UBE2K: variants seen among roughly 807,000 people sequenced by gnomAD.
UBE2K encodes ubiquitin-conjugating enzyme E2 K.
UBE2K carries 6 observed loss-of-function variants against 30.0 expected under a neutral mutation model. That is an observed-to-expected ratio of 0.20 (90% CI 0.11 to 0.39). The LOEUF (loss-of-function observed/expected upper bound fraction) is 0.39. Among genes scored for constraint, UBE2K ranks in the 10% least tolerant of loss-of-function variants. UBE2K has a pLI of 1.00. For synonymous variants in UBE2K, 86 were observed against 83.7 expected (o/e 1.03, Z -0.15); for missense variants, 61 against 241.6 (o/e 0.25, Z 4.96).
rs981885683 is a variant in UBE2K at position 39,742,932 on chromosome 4, G to T, written c.158-2820G>T. On this transcript the variant is annotated intron_variant, in intron 2 of 6. Coordinates refer to ENST00000261427, the MANE Select transcript of UBE2K (RefSeq NM_005339.5). ...ATTGTGGTGGGCACCTGTAAACCCA[G>T]TTACTCAGGAGACTGAGGCACAAGA... is the stretch of plus-strand genomic sequence containing the variant. Among the ~76,000 whole-genome samples the T allele has an allele frequency of 3.3e-5, 5 of 151,842 alleles. No individual in the cohort carries two copies. The South Asian group carries it at 8.3e-4, about 25-fold the overall frequency.
At chr4:39,752,938 T>G (rs1274840604) in intron 3 of UBE2K, among the ~76,000 whole-genome samples, 1 of 152,036 alleles carries the variant, frequency 6.6e-6, no homozygotes, top group Admixed American at 6.6e-5. Flanking sequence ...GAGGATTGCC[T>G]GAGCCCAGAA....
rs1204663656 is a variant in UBE2K at position 39,777,869 on chromosome 4, T to G, written c.528+59T>G. On this transcript the variant is annotated intron_variant, in intron 6 of 6. Coordinates refer to ENST00000261427, the MANE Select transcript of UBE2K (RefSeq NM_005339.5). ...TTGATTGATTTTAAATTATTGCAAA[T>G]TCTTGGCTGACAAAAGTGGTTTAGA... 3.7e-6 allele frequency: 5 copies of G among 1,347,172 alleles called. No individual in the cohort carries two copies. In the African/African-American group the frequency reaches 6.0e-5, roughly 16 times the overall value. The allele number at this position is 1,347,172 out of a possible 1,614,324, so 83.5% of individuals were successfully genotyped here.
intron 2 of UBE2K, 142 bp from the exon 3 acceptor site, chr4:39,745,610 T>G: frequency 1.6e-6 from 1 of 613,642 alleles, no homozygotes; most frequent in Non-Finnish European, 2.8e-6. Context: ...GTGCTTTTGA[T>G]TACTTTCTTT....
At chr4:39,703,844 C>CAAAAAAAAA (rs33995934) in intron 1 of UBE2K, among the ~76,000 whole-genome samples, 1 of 105,234 alleles carries the variant, frequency 9.5e-6, no homozygotes, top group East Asian at 2.8e-4. Context: ...GACTCCATCT[C>CAAAAAAAAA]AAAAAAAAAA....
At chr4:39,757,320 C>A (rs942005406) in intron 4 of UBE2K, among the ~76,000 whole-genome samples, 2 of 152,002 alleles carry the variant, frequency 1.3e-5, no homozygotes, top group African/African-American at 4.8e-5. Flanking sequence ...GCCACCACAC[C>A]CGGCCTAAGC....
At chr4:39,719,106 C>CAGAT (rs1351832431) in intron 1 of UBE2K, among the ~76,000 whole-genome samples, 2 of 152,264 alleles carry the variant, frequency 1.3e-5, no homozygotes, top group Admixed American at 6.5e-5. Context: ...TGTTAAGTCA[C>CAGAT]AGATACACAC....
At chr4:39,775,927 C>T (rs1039102894) in intron 5 of UBE2K, among the ~76,000 whole-genome samples, 3 of 152,008 alleles carry the variant, frequency 2.0e-5, no homozygotes, top group Non-Finnish European at 4.4e-5. Context: ...ACTCGTCTTT[C>T]TTAAATGTAG....
chr4:39,757,902 G>A (rs1560371097), intron 4 of UBE2K, among the ~76,000 whole-genome samples: 1 of 152,034 alleles, frequency 6.6e-6, no homozygotes. Flanking sequence ...GATAAGTCTT[G>A]GATTTCTGCT....
intron 1 of UBE2K, among the ~76,000 whole-genome samples, chr4:39,719,311 T>C (rs1203738995): frequency 6.6e-6 from 1 of 152,214 alleles, no homozygotes; most frequent in Non-Finnish European, 1.5e-5. Flanking sequence ...TGTTTTTCAT[T>C]GTCAGACTTC....
intron 4 of UBE2K, among the ~76,000 whole-genome samples, chr4:39,773,596 A>C (rs1713068840): frequency 6.6e-6 from 1 of 152,062 alleles, no homozygotes. Flanking sequence ...TGTTTAGAGA[A>C]ATGGATAGAA....
At chr4:39,755,859 TA>T in intron 4 of UBE2K, 120 bp downstream of exon 4, 2 of 582,094 alleles carry the variant, frequency 3.4e-6, no homozygotes, top group Non-Finnish European at 2.6e-6. Context: ...GCAGTAACTT[TA>T]AAAGTCTCTT....
At chr4:39,774,778 T>C in intron 4 of UBE2K, 56 bp from the exon 5 acceptor site, 4 of 1,080,336 alleles carry the variant, frequency 3.7e-6, no homozygotes, top group Non-Finnish European at 5.1e-6. Context: ...AGAAAATACT[T>C]TGCTTTTGCC....
intron 1 of UBE2K, among the ~76,000 whole-genome samples, chr4:39,729,270 C>T (rs1298246054): frequency 6.6e-6 from 1 of 152,240 alleles, no homozygotes; most frequent in African/African-American, 2.4e-5. Context: ...GGCGCCCGGT[C>T]TTTCCTATCT....
At chr4:39,718,229 A>G (rs1408976185) in intron 1 of UBE2K, among the ~76,000 whole-genome samples, 3 of 152,124 alleles carry the variant, frequency 2.0e-5, no homozygotes, top group African/African-American at 4.8e-5. Context: ...TGCGTTTACA[A>G]TCCCTGAGCT....
chr4:39,732,206 A>G (rs1375961773), intron 1 of UBE2K, among the ~76,000 whole-genome samples: 1 of 152,212 alleles, frequency 6.6e-6, no homozygotes, highest in Non-Finnish European at 1.5e-5. Flanking sequence ...ATGAGGAACT[A>G]TCTTATCCTT....
intron 2 of UBE2K, among the ~76,000 whole-genome samples, chr4:39,743,320 T>C (rs989174931): frequency 2.0e-5 from 3 of 151,656 alleles, no homozygotes; most frequent in Non-Finnish European, 4.4e-5. Context: ...AAAAGAAGAA[T>C]AGGCCAGGCG....
rs1181207110 is a variant in UBE2K, at chr4:39,722,200, A to T, written c.64-15220A>T. On this transcript the variant is annotated intron_variant, in intron 1 of 6. Transcript: ENST00000261427. ...ATTCTTGGGTCTTTTACAATTTATG[A>T]TTGTTAACCCCTTCACATACCTTTC... 2.6e-5 allele frequency among the ~76,000 whole-genome samples: 4 copies of T among 152,184 alleles called. No homozygotes were observed. In the East Asian group the frequency reaches 7.7e-4, roughly 29 times the overall value.
At chr4:39,760,196 A>AAAAAAAAAAAG (rs1711826972) in intron 4 of UBE2K, among the ~76,000 whole-genome samples, 1 of 7,918 alleles carries the variant, frequency 1.3e-4, no homozygotes, top group African/African-American at 4.4e-4. Flanking sequence ...AAAAAAACAG[A>AAAAAAAAAAAG]AAAAAAAAAA....
At chr4:39,770,546 C>CGCT in intron 4 of UBE2K, 1 of 1,595,818 alleles carries the variant, frequency 6.3e-7, no homozygotes, top group Non-Finnish European at 8.5e-7. Context: ...CCATGGCCGC[C>CGCT]GCTGCTGCTT....
Sources: allele counts gnomAD v4.1 joint callset (sites outside exome capture counted in the v4.1 genomes callset), GRCh38; gene constraint gnomAD v4.1.1; transcripts MANE v1.5; gene names NCBI Gene and HGNC (gene_info 2026-07-23, HGNC 2026-07-21).